AMZ1: variants seen among roughly 807,000 people sequenced by gnomAD.
AMZ1 encodes the protein archaelysin family metallopeptidase 1.
Under a neutral mutation model 29.9 loss-of-function variants are expected in AMZ1, and 39 were observed. The observed-to-expected ratio is 1.30, with a 90% CI of 1.01 to 1.70. AMZ1 has a LOEUF of 1.70. Ranked by LOEUF, AMZ1 falls within the 40% of genes most tolerant of loss-of-function variation. The pLI is 0.00. For synonymous variants in AMZ1, 458 were observed against 304.0 expected (o/e 1.51, Z -5.27); for missense variants, 1,041 against 680.6 (o/e 1.53, Z -5.89).
rs1390848879 is a variant in AMZ1, at chr7:2,718,781, G to T, written c.*5903G>T. Among the ~76,000 whole-genome samples the T allele has an allele frequency of 6.6e-6, 1 of 152,190 alleles. No individual in the cohort carries two copies. Among genetic ancestry groups the T allele is most frequent in the South Asian group, 2.1e-4 (1 of 4,830 alleles). Reference sequence around the variant, plus strand: ...AGCGGGCAGGCCAGGGCCGAGCTGCGTCCGGCTCTCAGGGACTTCCTCTCC... The same window carrying T: ...AGCGGGCAGGCCAGGGCCGAGCTGCTTCCGGCTCTCAGGGACTTCCTCTCC... On this transcript the variant is annotated 3_prime_UTR_variant, in exon 7 of 7. Coordinates refer to ENST00000683327, the MANE Select transcript of AMZ1 (RefSeq NM_001384743.1).
At position 2,712,319 on chromosome 7, in the gene AMZ1, C is replaced by T. The variant is rs1167229646; in HGVS notation, c.949-11C>T. 6.5e-7 allele frequency: 1 copy of T among 1,543,634 alleles called. No homozygotes were observed. Among genetic ancestry groups the T allele is most frequent in the Non-Finnish European group, 8.7e-7 (1 of 1,143,374 alleles). On this transcript the variant is annotated splice_polypyrimidine_tract_variant and intron_variant, in intron 6 of 6. Transcript: ENST00000683327. The stretch of plus-strand genomic sequence containing the variant: ...CACGGAGCAAACTCAGCCTGTGTTT[C>T]TCCCTCTTAGAGACTCTACACCTGG...
At chr7:2,685,476 T>A (rs190143700), upstream of AMZ1, among the ~76,000 whole-genome samples, 1 of 151,740 alleles carries the variant, frequency 6.6e-6, no homozygotes, top group African/African-American at 2.4e-5. Context: ...GAGAATCGCT[T>A]GAACCCAGGA....
intron 1 of AMZ1, among the ~76,000 whole-genome samples, chr7:2,689,832 T>TG (rs908172884): frequency 1.3e-5 from 2 of 152,138 alleles, no homozygotes; most frequent in African/African-American, 4.8e-5. Context: ...ATGGATGGGT[T>TG]GGTGAGTGCC....
chr7:2,706,315 T>G (rs959159386), intron 3 of AMZ1, among the ~76,000 whole-genome samples: 15 of 152,202 alleles, frequency 9.9e-5, no homozygotes, highest in African/African-American at 3.6e-4. Flanking sequence ...CGCAGACACG[T>G]GCCATCACAC....
rs146269524 is a variant in AMZ1 at position 2,717,726 on chromosome 7, C to A, written c.*4848C>A. 6.6e-6 allele frequency among the ~76,000 whole-genome samples: 1 copy of A among 152,102 alleles called. No homozygotes were observed. The highest frequency in any genetic ancestry group is 2.4e-5 in the African/African-American group (1 of 41,416). ...CAGATCGCGGGTGGAGACGGCCGGC[C>A]GAGCCTTCCCTTTTCTGACATCCTA... On this transcript the variant is annotated 3_prime_UTR_variant, in exon 7 of 7. Transcript: ENST00000683327.
At chr7:2,746,986 G>C (rs1339300416) in intron 4 of AMZ1, among the ~76,000 whole-genome samples, 6 of 152,150 alleles carry the variant, frequency 3.9e-5, no homozygotes, top group African/African-American at 2.4e-5. Flanking sequence ...TTGAATCTCT[G>C]AATAGACCAA....
chr7:2,682,096 G>C (rs969743749), intron 1 of AMZ1, among the ~76,000 whole-genome samples: 1 of 152,228 alleles, frequency 6.6e-6, no homozygotes, highest in African/African-American at 2.4e-5. Flanking sequence ...CAGAGCTGGG[G>C]ACCCGACGTG....
upstream of AMZ1, among the ~76,000 whole-genome samples, chr7:2,687,395 G>T (rs1054034031): frequency 6.6e-6 from 1 of 152,190 alleles, no homozygotes; most frequent in Non-Finnish European, 1.5e-5. Flanking sequence ...TCTGTGGGGC[G>T]CTGCTGAGGG....
At chr7:2,746,442 C>G (rs981224498) in intron 4 of AMZ1, among the ~76,000 whole-genome samples, 22 of 152,186 alleles carry the variant, frequency 1.4e-4, no homozygotes, top group African/African-American at 5.3e-4. Flanking sequence ...GAAATGAAGG[C>G]AGAAATAAAG....
chr7:2,737,558 G>C (rs990789286), intron 4 of AMZ1, among the ~76,000 whole-genome samples: 1 of 152,028 alleles, frequency 6.6e-6, no homozygotes, highest in African/African-American at 2.4e-5. Context: ...CAGAGTGCTG[G>C]GATTACAGGC....
At position 2,696,013 on chromosome 7, in the gene AMZ1, GAAA is replaced by G. The variant is rs35492098; in HGVS notation, c.-218-4207_-218-4205del. Among the ~76,000 whole-genome samples the G allele has an allele frequency of 4.9e-4, 53 of 107,194 alleles. 1 individual carries two copies. In the South Asian group the frequency reaches 7.0e-3, roughly 14 times the overall value. 70.3% of individuals were successfully genotyped at this position (107,194 alleles called of 152,430 possible). ...GACAGAGCGAAACTGTCTTGGGGGG[GAAA>G]AAAAAAAAAAAAAGGAAATGGACAT... On this transcript the variant is annotated intron_variant, in intron 1 of 6. Transcript: ENST00000683327.
Position 2,712,998 on chromosome 7 carries a change from A to T in AMZ1, c.*120A>T. The T allele has an allele frequency of 2.6e-6, 3 of 1,153,114 alleles. No homozygotes were observed. Among genetic ancestry groups the T allele is most frequent in the Non-Finnish European group, 3.4e-6 (3 of 873,900 alleles). The allele number at this position is 1,153,114 out of a possible 1,614,324, so 71.4% of individuals were successfully genotyped here. ...GAAGGGTCTGCCTGGGTGGTGGCTC[A>T]GGCCTGTCATCCCATCACTTTGAGA... On this transcript the variant is annotated 3_prime_UTR_variant, in exon 7 of 7. Transcript: ENST00000683327.
chr7:2,697,499 C>A (rs1324056928), intron 1 of AMZ1, among the ~76,000 whole-genome samples: 1 of 152,132 alleles, frequency 6.6e-6, no homozygotes, highest in Admixed American at 6.6e-5. Flanking sequence ...TCATGGCTCA[C>A]TGCAGCCTTG....
downstream of AMZ1, among the ~76,000 whole-genome samples, chr7:2,719,684 T>C (rs1252391806): frequency 4.9e-4 from 6 of 12,246 alleles, no homozygotes; most frequent in East Asian, 3.7e-3. Context: ...TCAACCCCAA[T>C]TTTTTTTTTT....
At chr7:2,709,479 A>T (rs12533534) in intron 5 of AMZ1, among the ~76,000 whole-genome samples, 161 bp from the exon 6 acceptor site, 28,669 of 152,114 alleles carry the variant, frequency 0.19, 3,429 homozygotes, top group East Asian at 0.56. Context: ...GGGCCCTGAA[A>T]GTGGCCTGTG....
chr7:2,760,700 C>T (rs947650896), upstream of AMZ1, among the ~76,000 whole-genome samples: 1 of 152,224 alleles, frequency 6.6e-6, no homozygotes, highest in African/African-American at 2.4e-5. Flanking sequence ...TCTCCATTTC[C>T]TTCTACAGGC....
intron 1 of AMZ1, among the ~76,000 whole-genome samples, chr7:2,682,449 C>G (rs974740464): frequency 1.1e-4 from 17 of 152,174 alleles, no homozygotes; most frequent in African/African-American, 4.1e-4. Context: ...CTACAGTGCT[C>G]CAGCGACAGC....
chr7:2,682,881 C>G (rs1339010733), intron 1 of AMZ1, among the ~76,000 whole-genome samples: 1 of 152,258 alleles, frequency 6.6e-6, no homozygotes, highest in African/African-American at 2.4e-5. Flanking sequence ...TTCCTTCCAC[C>G]TGGCACACCC....
chr7:2,762,356 C>T (rs146183511), upstream of AMZ1: 262 of 389,254 alleles, frequency 6.7e-4, 1 homozygote, highest in East Asian at 7.6e-3. Flanking sequence ...ACGATCCCAC[C>T]GAATCCAGAC....
Sources: allele counts gnomAD v4.1 joint callset (sites outside exome capture counted in the v4.1 genomes callset), GRCh38; gene constraint gnomAD v4.1.1; transcripts MANE v1.5; gene names NCBI Gene and HGNC (gene_info 2026-07-23, HGNC 2026-07-21).